PRRC2B: variants seen among roughly 807,000 people sequenced by gnomAD.
PRRC2B encodes proline rich coiled-coil 2B, also known as protein PRRC2B.
A neutral mutation model predicts 242.3 loss-of-function variants in PRRC2B; 68 were observed. The ratio of observed to expected loss-of-function variants is 0.28; its 90% confidence interval spans 0.23 to 0.34. PRRC2B has a LOEUF of 0.34. PRRC2B is among the 10% of genes least tolerant of loss of function. The probability of loss-of-function intolerance (pLI) is 1.00; values close to 1 mark genes in which losing one functional copy is unlikely to be tolerated. For synonymous variants in PRRC2B, 1,228 were observed against 1,173.6 expected, an observed-to-expected ratio of 1.05 and a Z score of -0.95; for missense variants, 2,835 against 2,954.8, an observed-to-expected ratio of 0.96 and a Z score of 0.94.
intron 10 of PRRC2B, among the ~76,000 whole-genome samples, chr9:131,456,448 A>G (rs947260575): frequency 2.5e-4 from 38 of 151,662 alleles, no homozygotes; most frequent in Middle Eastern, 3.4e-3. Context: ...TGGCTAACAC[A>G]GTGAAACCCC....
intron 1 of PRRC2B, among the ~76,000 whole-genome samples, chr9:131,388,760 T>C (rs1366719786): frequency 6.7e-6 from 1 of 150,156 alleles, no homozygotes; most frequent in Non-Finnish European, 1.5e-5. Flanking sequence ...GCCAGGATGG[T>C]CTCGATCTCT....
At chr9:131,393,668 G>C (rs78581928), upstream of PRRC2B, among the ~76,000 whole-genome samples, 27,592 of 151,816 alleles carry the variant, frequency 0.18, 2,626 homozygotes, top group Admixed American at 0.24. Flanking sequence ...GCGGAGATCC[G>C]GGCTCGCTCC....
Position 131,485,024 on chromosome 9 carries a change from G to T in PRRC2B, c.5642G>T (p.Gly1881Val). ...EQSSPGGAGS[G>V]IQPPSSVGAS... ...AGCTCTCCAGGCGGCGCTGGCTCAG[G>T]CATCCAGCCTCCATCCTCTGTGGGT... is the stretch of plus-strand genomic sequence containing the variant. Residue 1881 changes from glycine (G) to valine (V), a missense_variant, in exon 25 of 32, where the codon GGC (glycine) becomes GTC (valine). Transcript: ENST00000683519. 1 of 1,612,728 alleles carries T rather than the reference G, an allele frequency of 6.2e-7. No individual in the cohort carries two copies.
intron 1 of PRRC2B, among the ~76,000 whole-genome samples, chr9:131,411,626 A>G (rs879764968): frequency 6.6e-6 from 1 of 152,048 alleles, no homozygotes; most frequent in Non-Finnish European, 1.5e-5. Flanking sequence ...TACAGGCATG[A>G]GCCACTGCGC....
At chr9:131,421,789 C>G (rs1837848827) in intron 1 of PRRC2B, among the ~76,000 whole-genome samples, 1 of 152,206 alleles carries the variant, frequency 6.6e-6, no homozygotes, top group Non-Finnish European at 1.5e-5. Context: ...AAATAAAATG[C>G]TTGTTTTTGA....
chr9:131,452,844 GGA>G (rs1564288522), intron 9 of PRRC2B, among the ~76,000 whole-genome samples: 10 of 152,172 alleles, frequency 6.6e-5, no homozygotes, highest in Non-Finnish European at 1.2e-4. Context: ...TTTATGACTA[GGA>G]TATGATCTGT....
At chr9:131,416,532 A>G (rs140621550) in intron 1 of PRRC2B, among the ~76,000 whole-genome samples, 38 of 152,204 alleles carry the variant, frequency 2.5e-4, no homozygotes, top group African/African-American at 9.1e-4. Context: ...AGTACAGTAT[A>G]TTTGTCACAA....
intron 1 of PRRC2B, among the ~76,000 whole-genome samples, chr9:131,421,121 G>T (rs1254463633): frequency 2.6e-5 from 4 of 152,190 alleles, no homozygotes; most frequent in African/African-American, 9.6e-5. Flanking sequence ...AGAGAGCTCT[G>T]TGTGGCCAGC....
intron 10 of PRRC2B, among the ~76,000 whole-genome samples, chr9:131,457,275 G>A (rs1276725588): frequency 2.6e-5 from 4 of 152,234 alleles, no homozygotes; most frequent in African/African-American, 4.8e-5. Context: ...AGAAGGAGCT[G>A]TGATCAAGAA....
chr9:131,435,297 CGAAAAAAAAGAAAA>C (rs1564283164), intron 3 of PRRC2B, among the ~76,000 whole-genome samples: 2 of 128,914 alleles, frequency 1.6e-5, no homozygotes, highest in African/African-American at 5.9e-5. Flanking sequence ...GATTCCATCT[CGAAAAAAAAGAAAA>C]GAAAAAAAAG....
intron 13 of PRRC2B, among the ~76,000 whole-genome samples, chr9:131,469,893 G>T (rs1429255248): frequency 6.6e-6 from 1 of 152,184 alleles, no homozygotes; most frequent in Non-Finnish European, 1.5e-5. Flanking sequence ...GAGTCTCTTA[G>T]GGTTCAGTGA....
In PRRC2B at chr9:131,482,642, G is replaced by T; in HGVS notation, c.5176-68G>T. The T allele has an allele frequency of 1.3e-6, 2 of 1,520,854 alleles. No individual in the cohort carries two copies. Among genetic ancestry groups the T allele is most frequent in the Non-Finnish European group, 1.8e-6 (2 of 1,131,202 alleles). The allele number at this position is 1,520,854 out of a possible 1,614,324, so 94.2% of individuals were successfully genotyped here. Reference sequence around the variant, plus strand: ...TCTCATCATCTTCCTCAATTCCTGGGACAGTAGAAGCTAGAGAGTGTGGTC... The same window carrying T: ...TCTCATCATCTTCCTCAATTCCTGGTACAGTAGAAGCTAGAGAGTGTGGTC... On this transcript the variant is annotated intron_variant, in intron 21 of 31. Coordinates refer to ENST00000683519, the MANE Select transcript of PRRC2B (RefSeq NM_013318.4). The surrounding 1 kb of genome is among the most constrained non-coding windows in gnomAD (Gnocchi z 5.2).
chr9:131,442,728 T>G (rs1838640562), intron 5 of PRRC2B, among the ~76,000 whole-genome samples: 1 of 152,146 alleles, frequency 6.6e-6, no homozygotes, highest in Non-Finnish European at 1.5e-5. Flanking sequence ...GGGGGCCATT[T>G]GTTGTGTGGT....
rs1169270004 is a variant in PRRC2B, at chr9:131,475,494, C to T, written c.3365C>T (p.Pro1122Leu). Residue 1122 changes from proline to leucine, a missense_variant, in exon 16 of 32, where the codon CCC becomes CTC. Physicochemically the swap from Pro to Leu is moderately conservative, Grantham distance 98. Transcript: ENST00000683519. ...LREFARPEDC[P>L]RAKPRRRVAS... ...GAGTTTGCGCGGCCAGAGGACTGCC[C>T]CAGAGCCAAGCCCCGACGGAGAGTT... The T allele has an allele frequency of 2.5e-6, 4 of 1,604,742 alleles. No homozygotes were observed. Among genetic ancestry groups the T allele is most frequent in the Non-Finnish European group, 3.4e-6 (4 of 1,175,382 alleles).
In PRRC2B at chr9:131,482,686, C is replaced by T; in HGVS notation, c.5176-24C>T. 1.3e-6 allele frequency: 2 copies of T among 1,542,858 alleles called. No homozygotes were observed. Among genetic ancestry groups the T allele is most frequent in the Non-Finnish European group, 1.7e-6 (2 of 1,146,170 alleles). On this transcript the variant is annotated intron_variant, in intron 21 of 31. Transcript: ENST00000683519. The surrounding 1 kb of genome is among the most constrained non-coding windows in gnomAD (Gnocchi z 5.2). ...TGTGGTCATTCCAGTCTGTGTGTCT[C>T]CACCTCTCTGCTTTTTTATCAAGGA... is the stretch of plus-strand genomic sequence containing the variant.
Position 131,499,667 on chromosome 9 carries a change from A to G in PRRC2B, c.*3793A>G, listed in dbSNP as rs1944416873. 2 of 152,068 alleles carry G rather than the reference A, an allele frequency of 1.3e-5. No homozygotes were observed. The highest frequency in any genetic ancestry group is 2.4e-5 in the African/African-American group (1 of 41,402). 9.4% of individuals were successfully genotyped at this position (152,068 alleles called of 1,614,324 possible). A position where few individuals can be genotyped will look rare whatever the true frequency, so the allele number is the denominator to read the frequency against. On this transcript the variant is annotated 3_prime_UTR_variant, in exon 32 of 32. Transcript: ENST00000683519. Reference sequence around the variant, plus strand: ...TTCGGGCATGTGAGACCTGCTCTTCACTGTTTCCACCCCACTTGGTGGCCT... The same window carrying G: ...TTCGGGCATGTGAGACCTGCTCTTCGCTGTTTCCACCCCACTTGGTGGCCT...
rs1171307282 is a variant in PRRC2B at position 131,474,482 on chromosome 9, G to A, written c.2353G>A (p.Gly785Arg). 8.7e-6 allele frequency: 14 copies of A among 1,610,724 alleles called. No individual in the cohort carries two copies. The highest frequency in any genetic ancestry group is 1.1e-5 in the South Asian group (1 of 90,982). ...RNESSFSASL[G>R]RAGGVSAQRD... ...TGAAAGCTCTTTCTCTGCCTCACTC[G>A]GAAGGGCAGGGGGCGTAAGTGCTCA... The change falls in exon 16 of 32, where the codon GGA becomes AGA. Residue 785 changes from glycine to arginine, a missense_variant. Physicochemically the swap from Gly to Arg is moderately radical, Grantham distance 125 (BLOSUM62 -2). This residue lies in a region of PRRC2B where 1,536 missense variants were observed against 1,483.1 expected (regional missense o/e 1.04). Transcript: ENST00000683519.
In PRRC2B at chr9:131,444,259, G is replaced by T; in HGVS notation, c.544G>T (p.Asp182Tyr). ...FPTLKAAGGQDKAGKEKGVLD... is the reference protein window; with the variant it reads ...FPTLKAAGGQYKAGKEKGVLD... ...GACGCTGAAAGCAGCTGGAGGGCAG[G>T]ACAAGGCTGGCAAAGAAAAGGGCGT... The change falls in exon 6 of 32, where the codon GAC becomes TAC. Residue 182 changes from aspartate to tyrosine, a missense_variant. Around this residue, in one of 7 missense-constraint regions of PRRC2B, gnomAD observed 626 missense variants for 685.5 expected, o/e 0.91. Transcript: ENST00000683519. 1 of 1,613,960 alleles carries T rather than the reference G, an allele frequency of 6.2e-7. No homozygotes were observed. The highest frequency in any genetic ancestry group is 2.2e-5 in the East Asian group (1 of 44,892).
At chr9:131,391,618 A>G (rs115262289), upstream of PRRC2B, among the ~76,000 whole-genome samples, 854 of 152,248 alleles carry the variant, frequency 5.6e-3, 11 homozygotes, top group African/African-American at 0.019. Context: ...TTGGATGGGC[A>G]CACTAGTGTC....
Sources: allele counts gnomAD v4.1 joint callset (sites outside exome capture counted in the v4.1 genomes callset), GRCh38; gene constraint gnomAD v4.1.1; regional missense constraint gnomAD v4.1.1; non-coding constraint Gnocchi (gnomAD v3.1); transcripts MANE v1.5; gene names NCBI Gene and HGNC (gene_info 2026-07-23, HGNC 2026-07-21).